Variants in EPHB1 observed in about 807,000 individuals in gnomAD.
EPHB1 encodes the protein ephrin type-B receptor 1.
EPHB1 carries 30 observed loss-of-function variants against 94.4 expected under a neutral mutation model. That is an observed-to-expected ratio of 0.32 (90% CI 0.24 to 0.43). The LOEUF (loss-of-function observed/expected upper bound fraction) is 0.43, where lower values mean the gene tolerates loss of function less well. Ranked by LOEUF, EPHB1 falls within the 20% of genes least tolerant of loss-of-function variation. The probability of loss-of-function intolerance (pLI) is 1.00; values close to 1 mark genes in which losing one functional copy is unlikely to be tolerated. For synonymous variants in EPHB1, 522 were observed against 489.1 expected (o/e 1.07, Z -0.89); for missense variants, 1,055 against 1,308.3 (o/e 0.81, Z 2.99).
intron 3 of EPHB1, among the ~76,000 whole-genome samples, chr3:135,030,574 T>G (rs549641878): frequency 6.6e-6 from 1 of 152,354 alleles, no homozygotes; most frequent in East Asian, 1.9e-4. Context: ...GGAGGCAGTC[T>G]GCCCGTTCTC....
At chr3:135,085,402 T>G (rs1394843646) in intron 3 of EPHB1, among the ~76,000 whole-genome samples, 2 of 152,164 alleles carry the variant, frequency 1.3e-5, no homozygotes, top group Non-Finnish European at 2.9e-5. Flanking sequence ...GCATGCAGGT[T>G]TCTGGTCGGT....
chr3:135,029,780 G>A (rs1272671018), intron 3 of EPHB1, among the ~76,000 whole-genome samples: 1 of 152,058 alleles, frequency 6.6e-6, no homozygotes, highest in Non-Finnish European at 1.5e-5. Flanking sequence ...TGCCTTGCGA[G>A]ATTTGGGAAA....
rs1270749445 is a variant in EPHB1 at position 135,257,049 on chromosome 3, C to T, written c.2847-1963C>T. Among the ~76,000 whole-genome samples the T allele has an allele frequency of 5.5e-5, 8 of 145,438 alleles. No individual in the cohort carries two copies. In the East Asian group the frequency reaches 9.9e-4, roughly 18 times the overall value. On this transcript the variant is annotated intron_variant, in intron 15 of 15. Coordinates refer to ENST00000398015, the MANE Select transcript of EPHB1 (RefSeq NM_004441.5). ...CTGCATTCTTCACGTAGTTCTCGAGCCTTGGTTTTCAGCTCCATCAGCTCC... is the reference window on the plus strand; with the variant it reads ...CTGCATTCTTCACGTAGTTCTCGAGTCTTGGTTTTCAGCTCCATCAGCTCC...
chr3:135,048,078 G>C (rs1001103132), intron 3 of EPHB1, among the ~76,000 whole-genome samples: 1 of 152,020 alleles, frequency 6.6e-6, no homozygotes, highest in Admixed American at 6.6e-5. Flanking sequence ...TGGAGTGATG[G>C]CTCAAAAAGG....
intron 3 of EPHB1, among the ~76,000 whole-genome samples, chr3:134,975,537 G>A (rs1934152894): frequency 6.6e-6 from 1 of 152,118 alleles, no homozygotes; most frequent in East Asian, 1.9e-4. Flanking sequence ...GTCTCCCCTA[G>A]CCCCTCATGC....
At chr3:135,103,234 G>A (rs1348660013) in intron 3 of EPHB1, among the ~76,000 whole-genome samples, 3 of 152,118 alleles carry the variant, frequency 2.0e-5, no homozygotes, top group Non-Finnish European at 4.4e-5. Context: ...TTTTATGAAA[G>A]TATTAAGTTA....
At chr3:134,975,841 T>G (rs1934169000) in intron 3 of EPHB1, among the ~76,000 whole-genome samples, 1 of 151,940 alleles carries the variant, frequency 6.6e-6, no homozygotes, top group Non-Finnish European at 1.5e-5. Context: ...TGCATACATG[T>G]GCACACATAT....
At chr3:135,132,180 G>A (rs1038931386) in intron 4 of EPHB1, among the ~76,000 whole-genome samples, 42 of 152,132 alleles carry the variant, frequency 2.8e-4, no homozygotes, top group Admixed American at 9.2e-4. Flanking sequence ...ATCTATTCAG[G>A]TGCTCTGGAA....
At chr3:135,127,435 TG>T (rs1940249422) in intron 4 of EPHB1, among the ~76,000 whole-genome samples, 1 of 152,140 alleles carries the variant, frequency 6.6e-6, no homozygotes, top group African/African-American at 2.4e-5. Flanking sequence ...CCACTGTGGT[TG>T]CCACCTTCAC....
At chr3:134,847,172 A>G (rs1364413332) in intron 1 of EPHB1, among the ~76,000 whole-genome samples, 1 of 150,438 alleles carries the variant, frequency 6.6e-6, no homozygotes, top group Non-Finnish European at 1.5e-5. Context: ...CACACACATC[A>G]TGGAAAAAAA....
chr3:135,180,202 T>C lies in EPHB1; in HGVS notation c.1882+220T>C, dbSNP rs534151365. ...GGACCTTGACCATGGTGGCCAAGCT[T>C]GTCTGTTGTTGCAGAAAAGTCAGCT... On this transcript the variant is annotated intron_variant, in intron 10 of 15. Coordinates refer to ENST00000398015, the MANE Select transcript of EPHB1 (RefSeq NM_004441.5). 9.8e-5 allele frequency among the ~76,000 whole-genome samples: 15 copies of C among 152,332 alleles called. No individual in the cohort carries two copies. In the South Asian group the frequency reaches 3.1e-3, roughly 32 times the overall value.
intron 1 of EPHB1, among the ~76,000 whole-genome samples, chr3:134,899,210 G>A (rs143969527): frequency 9.9e-5 from 15 of 152,208 alleles, no homozygotes; most frequent in African/African-American, 2.9e-4. Flanking sequence ...TTAGACCCCT[G>A]ATGCATGAAG....
intron 15 of EPHB1, among the ~76,000 whole-genome samples, chr3:135,257,344 G>A (rs1933445207): frequency 6.6e-6 from 1 of 152,042 alleles, no homozygotes; most frequent in Non-Finnish European, 1.5e-5. Flanking sequence ...CCATCTTTGT[G>A]GTTTTATCTA....
intron 12 of EPHB1, among the ~76,000 whole-genome samples, chr3:135,227,108 T>C (rs1663577505): frequency 1.3e-5 from 2 of 152,186 alleles, no homozygotes; most frequent in Admixed American, 6.5e-5. Context: ...GTAATAATCT[T>C]ACACATGTAC....
chr3:134,935,287 G>A (rs1051339761), intron 2 of EPHB1, among the ~76,000 whole-genome samples: 3 of 152,074 alleles, frequency 2.0e-5, no homozygotes, highest in African/African-American at 4.8e-5. Flanking sequence ...AGGATAAGAC[G>A]AACAGGAGGA....
intron 3 of EPHB1, among the ~76,000 whole-genome samples, chr3:135,000,521 T>C (rs191558765): frequency 5.6e-4 from 86 of 152,348 alleles, no homozygotes; most frequent in Non-Finnish European, 4.4e-4. Context: ...GGCTTTTCTT[T>C]TTCGTATTCT....
At chr3:135,252,564 C>T (rs955162023) in intron 15 of EPHB1, among the ~76,000 whole-genome samples, 2 of 149,022 alleles carry the variant, frequency 1.3e-5, no homozygotes, top group Non-Finnish European at 3.0e-5. Context: ...TTTATGGCTG[C>T]ATAGTATTCC....
chr3:134,895,971 A>G (rs905082828), intron 1 of EPHB1, among the ~76,000 whole-genome samples: 4 of 151,984 alleles, frequency 2.6e-5, no homozygotes, highest in Non-Finnish European at 5.9e-5. Context: ...AGGCTTGAAG[A>G]TGAGTTAGGG....
At chr3:135,162,328 C>T (rs1229165163) in intron 7 of EPHB1, 148 bp downstream of exon 7, 6 of 943,736 alleles carry the variant, frequency 6.4e-6, no homozygotes, top group Admixed American at 6.6e-5. Flanking sequence ...CCCAGTAGGG[C>T]CATGTAGATT....
Sources: gnomAD v4.1 joint callset for allele counts (sites outside exome capture counted in the v4.1 genomes callset) on GRCh38, gnomAD v4.1.1 for gene constraint, MANE v1.5 for transcripts, NCBI Gene and HGNC (gene_info 2026-07-23, HGNC 2026-07-21) for gene names.